The following AP4E1 variants were observed in gnomAD, a reference collection of about 807,000 sequenced individuals.
AP4E1 encodes the protein AP-4 complex subunit epsilon-1.
AP4E1 carries 56 observed loss-of-function variants against 128.2 expected under a neutral mutation model. That is an observed-to-expected ratio of 0.44 (90% CI 0.35 to 0.55). The LOEUF is 0.55. Ranked by LOEUF, AP4E1 falls within the 20% of genes least tolerant of loss-of-function variation. The probability of loss-of-function intolerance (pLI) is 0.00; values close to 1 mark genes in which losing one functional copy is unlikely to be tolerated. For synonymous variants in AP4E1, 484 were observed against 473.1 expected (o/e 1.02, Z -0.30); for missense variants, 1,324 against 1,307.7 (o/e 1.01, Z -0.19).
At chr15:50,960,532 C>T (rs2064298000) in intron 14 of AP4E1, among the ~76,000 whole-genome samples, 1 of 151,892 alleles carries the variant, frequency 6.6e-6, no homozygotes, top group South Asian at 2.1e-4. Context: ...ATGATTAGGT[C>T]AGTGAAGAAA....
At chr15:50,944,702 C>A (rs1226155719) in intron 10 of AP4E1, 3 of 495,638 alleles carry the variant, frequency 6.1e-6, no homozygotes, top group African/African-American at 4.0e-5. Context: ...ACAATTATGT[C>A]TGTGAAACCA....
Position 50,941,564 on chromosome 15 carries a change from G to C in AP4E1, c.1066G>C (p.Gly356Arg). Reference sequence around the variant, plus strand: ...ACCTAAAATAAATCTAAAATATTTAGGTAAGATGATTGGTTCTTTTGACAG... The same window carrying C: ...ACCTAAAATAAATCTAAAATATTTACGTAAGATGATTGGTTCTTTTGACAG... ...LSPKINLKYL[G>R]LKALTYVIQQ... Residue 356 changes from glycine (G) to arginine (R), a missense_variant and splice_region_variant, in exon 9 of 21, where the codon GGA becomes CGA. By Grantham distance (125) the Gly-to-Arg change is moderately radical. Transcript: ENST00000261842. The C allele has an allele frequency of 6.2e-7, 1 of 1,612,764 alleles. No homozygotes were observed.
chr15:50,930,920 TAC>T lies in AP4E1; in HGVS notation c.820_821del (p.Gln274AsnfsTer14). ...TACCACAGTGTGCCAGCACCATGGT[TAC>T]AAATTCAGCTCTTGAGAATACTGGG... is the stretch of plus-strand genomic sequence containing the variant. On this transcript the variant is annotated frameshift_variant, in exon 7 of 21. Coordinates refer to ENST00000261842, the MANE Select transcript of AP4E1 (RefSeq NM_007347.5). LOFTEE classifies it high-confidence loss of function. The T allele has an allele frequency of 6.2e-7, 1 of 1,614,120 alleles. No homozygotes were observed. Among genetic ancestry groups the T allele is most frequent in the Non-Finnish European group, 8.5e-7 (1 of 1,180,006 alleles).
In AP4E1 at chr15:51,005,654, A is replaced by G. The variant is rs185452908; in HGVS notation, c.*2992A>G. ...TTTCCTTTTATGTCAGCAATATTTT[A>G]AAATATTGATCTGTTTATCTTATAT... On this transcript the variant is annotated 3_prime_UTR_variant, in exon 21 of 21. Transcript: ENST00000261842. 213 of 152,746 alleles carry G rather than the reference A, an allele frequency of 1.4e-3. 1 individual carries two copies. Among genetic ancestry groups the G allele is most frequent in the African/African-American group, 5.1e-3 (211 of 41,572 alleles). The allele number at this position is 152,746 out of a possible 1,614,324, so 9.5% of individuals were successfully genotyped here. A position where few individuals can be genotyped will look rare whatever the true frequency, so the allele number is the denominator to read the frequency against.
At chr15:50,948,339 C>CTTT (rs66467957) in intron 11 of AP4E1, among the ~76,000 whole-genome samples, 180 bp downstream of exon 11, 7,564 of 121,794 alleles carry the variant, frequency 0.062, 354 homozygotes, top group Non-Finnish European at 0.093. Flanking sequence ...TAGGAGATGG[C>CTTT]TTTTTTTTTT....
chr15:50,923,822 T>A, intron 3 of AP4E1, 109 bp from the exon 4 acceptor site: 1 of 805,732 alleles, frequency 1.2e-6, no homozygotes, highest in Non-Finnish European at 2.1e-6. Context: ...TGTGTTTCTG[T>A]TTACTTGTAA....
At position 50,915,531 on chromosome 15, in the gene AP4E1, C is replaced by T. The variant is rs146636288; in HGVS notation, c.306C>T (p.Ile102=). 1.1e-5 allele frequency: 17 copies of T among 1,613,382 alleles called. No homozygotes were observed. The African/African-American group carries it at 2.0e-4, about 19-fold the overall frequency. The stretch of plus-strand genomic sequence containing the variant: ...CTTCCTTTGGCTATATTCATGCAAT[C>T]AAGTTAGCCCAACAAGGAAACCTCT... The part of the protein sequence containing the change: ...YDASFGYIHA[I]KLAQQGNLLE... The change falls in exon 3 of 21, where the codon ATC becomes ATT. Residue 102 remains isoleucine (I), a synonymous_variant. Transcript: ENST00000261842.
At chr15:50,972,358 C>T (rs1484212055) in intron 15 of AP4E1, among the ~76,000 whole-genome samples, 1 of 152,018 alleles carries the variant, frequency 6.6e-6, no homozygotes, top group Admixed American at 6.6e-5. Flanking sequence ...ACTACAGGCA[C>T]ACACCACCAC....
At position 50,908,817 on chromosome 15, in the gene AP4E1, G is replaced by C. The variant is rs1440769453; in HGVS notation, c.39G>C (p.Pro13=). Residue 13 remains proline (P), a synonymous_variant, in exon 1 of 21, where the codon CCG becomes CCC. Coordinates refer to ENST00000261842, the MANE Select transcript of AP4E1 (RefSeq NM_007347.5). ...DIVEKTLTAL[P]GLFLQNQPGG... ...TGGAGAAGACGCTGACGGCGCTGCC[G>C]GGACTCTTTCTGCAGAACCAGCCCG... 6.2e-7 allele frequency: 1 copy of C among 1,604,378 alleles called. No individual in the cohort carries two copies. Among genetic ancestry groups the C allele is most frequent in the Admixed American group, 1.7e-5 (1 of 58,944 alleles).
intron 5 of AP4E1, among the ~76,000 whole-genome samples, chr15:50,927,314 G>A (rs529066120): frequency 7.9e-5 from 12 of 152,322 alleles, no homozygotes; most frequent in South Asian, 2.1e-4. Context: ...ATGCTCTGGA[G>A]TAAAGAGCTG....
At chr15:50,921,885 A>G (rs1490215258) in intron 3 of AP4E1, among the ~76,000 whole-genome samples, 8 of 151,976 alleles carry the variant, frequency 5.3e-5, no homozygotes, top group Non-Finnish European at 7.4e-5. Flanking sequence ...CAGTTGGGAT[A>G]TTATTCATAA....
intron 8 of AP4E1, among the ~76,000 whole-genome samples, chr15:50,937,037 C>T (rs1006581155): frequency 6.6e-6 from 1 of 151,918 alleles, no homozygotes; most frequent in Non-Finnish European, 1.5e-5. Context: ...CTTATAGTTC[C>T]TGTTGTTTCA....
intron 3 of AP4E1, among the ~76,000 whole-genome samples, chr15:50,917,595 A>C (rs1014581034): frequency 1.3e-5 from 2 of 152,216 alleles, no homozygotes; most frequent in African/African-American, 4.8e-5. Context: ...AAAAATATTT[A>C]TGAACAGAAA....
Position 50,997,418 on chromosome 15 carries a change from G to T in AP4E1, c.2439G>T (p.Met813Ile). ...KSGETTSTHN[M>I]TCSSFSSLSN... ...GCGAAACAACCAGTACTCATAATAT[G>T]ACCTGTTCTTCCTTTAGTTCTTTGT... Residue 813 changes from methionine (M) to isoleucine (I), a missense_variant, in exon 18 of 21, where the codon ATG becomes ATT. By Grantham distance (10) the Met-to-Ile change is conservative. Coordinates refer to ENST00000261842, the MANE Select transcript of AP4E1 (RefSeq NM_007347.5). The T allele has an allele frequency of 6.2e-7, 1 of 1,613,262 alleles. No homozygotes were observed. Among genetic ancestry groups the T allele is most frequent in the South Asian group, 1.1e-5 (1 of 90,936 alleles).
In AP4E1 at chr15:50,925,014, A is replaced by G. The variant is rs1206703146; in HGVS notation, c.421-84A>G. The G allele has an allele frequency of 2.7e-6, 4 of 1,486,650 alleles. No homozygotes were observed. In the African/African-American group the frequency reaches 4.1e-5, roughly 15 times the overall value. The allele number at this position is 1,486,650 out of a possible 1,614,324, so 92.1% of individuals were successfully genotyped here. ...TATAAATAGCACAAAATTACTAAGT[A>G]TATAGGACCATTACAGTGTTGAATT... On this transcript the variant is annotated intron_variant, in intron 4 of 20. Transcript: ENST00000261842.
At chr15:50,951,759 C>G (rs967956777) in intron 13 of AP4E1, among the ~76,000 whole-genome samples, 1 of 106,282 alleles carries the variant, frequency 9.4e-6, no homozygotes, top group Non-Finnish European at 1.8e-5. Context: ...CAGAGTCTTT[C>G]TCTGTCAACC....
chr15:50,993,496 G>T lies in AP4E1; in HGVS notation c.2217G>T (p.Glu739Asp). The T allele has an allele frequency of 6.2e-7, 1 of 1,614,016 alleles. No homozygotes were observed. Among genetic ancestry groups the T allele is most frequent in the Non-Finnish European group, 8.5e-7 (1 of 1,179,986 alleles). The change falls in exon 17 of 21, where the codon GAG (glutamate) becomes GAT (aspartate). Residue 739 changes from glutamate (E) to aspartate (D), a missense_variant. By Grantham distance (45) the Glu-to-Asp change is conservative. Coordinates refer to ENST00000261842, the MANE Select transcript of AP4E1 (RefSeq NM_007347.5). ...CTGTTCCTCAAGAGAGTATAATGGAGAATGTAGATCAAGCTATAACTAAAA... is the reference window on the plus strand; with the variant it reads ...CTGTTCCTCAAGAGAGTATAATGGATAATGTAGATCAAGCTATAACTAAAA... ...ALPVPQESIM[E>D]NVDQAITKKD...
At chr15:51,002,020 AGG>A (rs1412572991) in intron 20 of AP4E1, among the ~76,000 whole-genome samples, 1 of 152,144 alleles carries the variant, frequency 6.6e-6, no homozygotes, top group Admixed American at 6.5e-5. Flanking sequence ...CTAGGATTAC[AGG>A]TGTGTGGCAC....
In AP4E1 at chr15:50,993,526, T is replaced by A. The variant is rs777668159; in HGVS notation, c.2247T>A (p.Asp749Glu). 6.2e-7 allele frequency: 1 copy of A among 1,613,874 alleles called. No individual in the cohort carries two copies. Among genetic ancestry groups the A allele is most frequent in the Non-Finnish European group, 8.5e-7 (1 of 1,179,928 alleles). Residue 749 changes from aspartate to glutamate, a missense_variant, in exon 17 of 21, where the codon GAT (aspartate) becomes GAA (glutamate). Asp to Glu is a conservative substitution (Grantham distance 45). Transcript: ENST00000261842. ...TAGATCAAGCTATAACTAAAAAGGA[T>A]CAATCTCAAGTTCTTACCCAATCTA... ...ENVDQAITKK[D>E]QSQVLTQSKE...
Sources: allele counts gnomAD v4.1 joint callset (sites outside exome capture counted in the v4.1 genomes callset), GRCh38; gene constraint gnomAD v4.1.1; transcripts MANE v1.5; gene names NCBI Gene and HGNC (gene_info 2026-07-23, HGNC 2026-07-21).